Variants in CNTN1 observed in about 807,000 individuals in gnomAD.
The protein encoded by CNTN1 is contactin-1.
A neutral mutation model predicts 126.4 loss-of-function variants in CNTN1; 38 were observed. That is an observed-to-expected ratio of 0.30 (90% CI 0.23 to 0.39). CNTN1 has a LOEUF of 0.39. Ranked by LOEUF, CNTN1 falls within the 10% of genes least tolerant of loss-of-function variation. CNTN1 has a pLI of 1.00. For missense variants in CNTN1, 1,009 were observed against 1,248.4 expected, an observed-to-expected ratio of 0.81 and a Z score of 2.89; for synonymous variants, 413 against 422.6, an observed-to-expected ratio of 0.98 and a Z score of 0.28.
rs140147494 is a variant in CNTN1 at position 41,038,290 on chromosome 12, A to G, written c.2980+9071A>G. On this transcript the variant is annotated intron_variant, in intron 23 of 23. Coordinates refer to ENST00000551295, the MANE Select transcript of CNTN1 (RefSeq NM_001843.4). ...AGTTAGTTTGGCACTTTGGAGGTCT[A>G]TGTATTAGTTTTCTAGAGCTGTCAT... Among the ~76,000 whole-genome samples, 8 of 152,260 alleles carry G rather than the reference A, an allele frequency of 5.3e-5. No homozygotes were observed. The East Asian group carries it at 1.5e-3, about 29-fold the overall frequency.
intron 1 of CNTN1, among the ~76,000 whole-genome samples, chr12:40,873,277 T>G (rs903627405): frequency 2.6e-5 from 4 of 152,168 alleles, no homozygotes; most frequent in Non-Finnish European, 4.4e-5. Context: ...TAGTATATAT[T>G]CCTGAAAATT....
At chr12:40,836,855 T>A (rs1288044921) in intron 1 of CNTN1, among the ~76,000 whole-genome samples, 7 of 152,212 alleles carry the variant, frequency 4.6e-5, no homozygotes, top group Admixed American at 4.6e-4. Flanking sequence ...CACTTAATCC[T>A]CTCCAGAACA....
At chr12:41,059,319 T>C (rs953203697) in intron 23 of CNTN1, among the ~76,000 whole-genome samples, 2 of 152,170 alleles carry the variant, frequency 1.3e-5, no homozygotes, top group African/African-American at 2.4e-5. Flanking sequence ...AGTTTTATCC[T>C]GAGAAAGTTT....
intron 1 of CNTN1, among the ~76,000 whole-genome samples, chr12:40,771,507 T>G (rs1226099180): frequency 6.6e-6 from 1 of 152,086 alleles, no homozygotes; most frequent in African/African-American, 2.4e-5. Flanking sequence ...ATGTTCTTAT[T>G]TAGACAGCCC....
chr12:40,880,101 G>A (rs1053065739), intron 1 of CNTN1, among the ~76,000 whole-genome samples: 3 of 151,962 alleles, frequency 2.0e-5, no homozygotes, highest in African/African-American at 4.8e-5. Flanking sequence ...TTGAGGTGAC[G>A]CAAAGTCATA....
chr12:40,856,523 A>G (rs2136631478), intron 1 of CNTN1, among the ~76,000 whole-genome samples: 1 of 152,236 alleles, frequency 6.6e-6, no homozygotes, highest in Admixed American at 6.5e-5. Context: ...TTTTCTCTGC[A>G]GTCATCAGCC....
intron 1 of CNTN1, among the ~76,000 whole-genome samples, chr12:40,833,198 G>A (rs1257940632): frequency 2.0e-5 from 3 of 152,068 alleles, no homozygotes; most frequent in Non-Finnish European, 4.4e-5. Flanking sequence ...AAGTTCAAGC[G>A]ACTCTTCTGC....
At chr12:41,006,423 C>A in intron 17 of CNTN1, among the ~76,000 whole-genome samples, 1 of 152,170 alleles carries the variant, frequency 6.6e-6, no homozygotes, top group East Asian at 1.9e-4. Flanking sequence ...CTGCTGGAGA[C>A]TGTGTGTGGG....
At chr12:41,064,248 A>T (rs962763011) in intron 23 of CNTN1, among the ~76,000 whole-genome samples, 2 of 151,670 alleles carry the variant, frequency 1.3e-5, no homozygotes, top group African/African-American at 2.4e-5. Flanking sequence ...TGGAAGATGC[A>T]GGCATTCAAT....
chr12:41,053,471 G>C (rs1240262600), intron 23 of CNTN1, among the ~76,000 whole-genome samples: 1 of 49,008 alleles, frequency 2.0e-5, no homozygotes, highest in South Asian at 5.2e-4. Context: ...ATATATATTT[G>C]CCAATAATGC....
At chr12:41,007,271 G>A (rs567478112) in intron 17 of CNTN1, among the ~76,000 whole-genome samples, 23 of 151,662 alleles carry the variant, frequency 1.5e-4, no homozygotes, top group East Asian at 1.2e-3. Flanking sequence ...CGTTTTAGCC[G>A]GGATGGTCTT....
At chr12:40,795,557 G>C (rs1592095795) in intron 1 of CNTN1, among the ~76,000 whole-genome samples, 1 of 148,442 alleles carries the variant, frequency 6.7e-6, no homozygotes, top group South Asian at 2.1e-4. Context: ...CATATATATA[G>C]GTTCTGTTGG....
intron 1 of CNTN1, among the ~76,000 whole-genome samples, chr12:40,741,947 A>G (rs1937960961): frequency 6.6e-6 from 1 of 151,938 alleles, no homozygotes. Context: ...AGCAGAATTT[A>G]TTTTCCTTTC....
chr12:41,029,894 G>A (rs966585908), intron 23 of CNTN1, among the ~76,000 whole-genome samples: 1 of 151,602 alleles, frequency 6.6e-6, no homozygotes. Context: ...ATATATTTGA[G>A]GCAGTCATTT....
chr12:40,815,564 T>G (rs2136514506), intron 1 of CNTN1, among the ~76,000 whole-genome samples: 1 of 152,106 alleles, frequency 6.6e-6, no homozygotes, highest in Admixed American at 6.6e-5. Flanking sequence ...GATGATGGGG[T>G]TTTCAAACTA....
intron 1 of CNTN1, among the ~76,000 whole-genome samples, chr12:40,874,887 T>A (rs182292093): frequency 8.3e-4 from 126 of 152,288 alleles, no homozygotes; most frequent in South Asian, 5.2e-3. Flanking sequence ...TAAAATCTCA[T>A]AGGAAGAACT....
chr12:40,737,384 A>ATAT (rs1937743128), intron 1 of CNTN1, among the ~76,000 whole-genome samples: 1 of 35,764 alleles, frequency 2.8e-5, no homozygotes, highest in Non-Finnish European at 6.7e-5. Flanking sequence ...TATATATATG[A>ATAT]GTTTATTAAG....
intron 17 of CNTN1, among the ~76,000 whole-genome samples, chr12:41,008,074 C>T (rs1948547192): frequency 6.6e-6 from 1 of 152,186 alleles, no homozygotes; most frequent in South Asian, 2.1e-4. Flanking sequence ...AATGATGACT[C>T]TTTCTGGCAA....
At chr12:40,809,151 AC>A (rs1766618042) in intron 1 of CNTN1, among the ~76,000 whole-genome samples, 2 of 152,192 alleles carry the variant, frequency 1.3e-5, no homozygotes, top group Non-Finnish European at 2.9e-5. Flanking sequence ...AAAGATCCCT[AC>A]AACCATTCCC....
Sources: allele counts gnomAD v4.1 joint callset (sites outside exome capture counted in the v4.1 genomes callset), GRCh38; gene constraint gnomAD v4.1.1; transcripts MANE v1.5; gene names NCBI Gene and HGNC (gene_info 2026-07-23, HGNC 2026-07-21).